The following DLGAP1 variants were observed in gnomAD, a reference collection of about 807,000 sequenced individuals.
The protein encoded by DLGAP1 is disks large-associated protein 1.
DLGAP1 carries 11 observed loss-of-function variants against 90.8 expected under a neutral mutation model. The ratio of observed to expected loss-of-function variants is 0.12; its 90% CI spans 0.08 to 0.20. DLGAP1 has a LOEUF of 0.20. Among genes scored for constraint, DLGAP1 ranks in the 10% least tolerant of loss-of-function variants. DLGAP1 has a pLI of 1.00. For missense variants in DLGAP1, 1,050 were observed against 1,333.8 expected, an observed-to-expected ratio of 0.79 and a Z score of 3.31; for synonymous variants, 558 against 540.7, an observed-to-expected ratio of 1.03 and a Z score of -0.44.
chr18:4,212,538 G>T (rs1167584584), intron 1 of DLGAP1, among the ~76,000 whole-genome samples: 1 of 150,450 alleles, frequency 6.6e-6, no homozygotes, highest in African/African-American at 2.4e-5. Flanking sequence ...CAGGTGTGGT[G>T]GTGCGTGCCT....
intron 7 of DLGAP1, among the ~76,000 whole-genome samples, chr18:3,625,479 G>A (rs1306971149): frequency 1.3e-5 from 2 of 152,156 alleles, no homozygotes; most frequent in Non-Finnish European, 2.9e-5. Flanking sequence ...AAGCAAATTA[G>A]CAAATTATTT....
chr18:3,822,024 G>GAA lies in DLGAP1; in HGVS notation c.958-7753_958-7752dup, dbSNP rs34207365. 6,066 of 654,784 alleles carry GAA rather than the reference G, an allele frequency of 9.3e-3. 37 individuals carry two copies. The highest frequency in any genetic ancestry group is 0.052 in the African/African-American group (2,158 of 41,224). The allele number at this position is 654,784 out of a possible 1,614,324, so 40.6% of individuals were successfully genotyped here. A position where few individuals can be genotyped will look rare whatever the true frequency, so the allele number is the denominator to read the frequency against. The stretch of plus-strand genomic sequence containing the variant: ...GCTTGCTCTTCTCATAGCAAAAACA[G>GAA]AAAAAAAAAAAAAAAAGAGCAAGAA... On this transcript the variant is annotated intron_variant, in intron 4 of 12. Transcript: ENST00000315677.
intron 8 of DLGAP1, among the ~76,000 whole-genome samples, chr18:3,576,954 C>A (rs1367555693): frequency 1.3e-5 from 2 of 151,916 alleles, no homozygotes; most frequent in African/African-American, 4.8e-5. Context: ...CCTCCGTCTC[C>A]CAGGTTCAAG....
At chr18:3,937,575 A>G (rs1195619650) in intron 3 of DLGAP1, among the ~76,000 whole-genome samples, 1 of 152,216 alleles carries the variant, frequency 6.6e-6, no homozygotes, top group Non-Finnish European at 1.5e-5. Context: ...ATATCAAACC[A>G]GCACACTTAC....
intron 4 of DLGAP1, among the ~76,000 whole-genome samples, chr18:3,832,270 A>G (rs2068071141): frequency 6.6e-6 from 1 of 152,234 alleles, no homozygotes; most frequent in Non-Finnish European, 1.5e-5. Context: ...CCTATTACAA[A>G]AACTGTGAAC....
At chr18:3,519,649 G>A (rs117268081) in intron 10 of DLGAP1, among the ~76,000 whole-genome samples, 35 of 152,234 alleles carry the variant, frequency 2.3e-4, no homozygotes, top group Non-Finnish European at 4.0e-4. Context: ...ATGAGAGCTC[G>A]GCTGTCCTGA....
chr18:3,962,714 C>T (rs925133945), intron 3 of DLGAP1, among the ~76,000 whole-genome samples: 1 of 152,152 alleles, frequency 6.6e-6, no homozygotes, highest in African/African-American at 2.4e-5. Context: ...CCTTCCAGGA[C>T]ATTTATTCTT....
intron 3 of DLGAP1, among the ~76,000 whole-genome samples, chr18:3,972,883 T>A (rs1354955485): frequency 6.6e-6 from 1 of 152,198 alleles, no homozygotes. Context: ...TGTTCCCCAA[T>A]CTGTGTTTAG....
intron 6 of DLGAP1, among the ~76,000 whole-genome samples, chr18:3,741,092 C>T (rs1598537580): frequency 7.6e-6 from 1 of 131,730 alleles, no homozygotes; most frequent in Admixed American, 7.4e-5. Flanking sequence ...TCACCATCAC[C>T]ACCACCACCA....
chr18:3,883,252 CAAACAAACAAACAA>C (rs1291562057), intron 3 of DLGAP1, among the ~76,000 whole-genome samples: 2 of 152,148 alleles, frequency 1.3e-5, no homozygotes, highest in Non-Finnish European at 2.9e-5. Context: ...TCAAAACAAA[CAAACAAACAAACAA>C]AAACAAACAA....
At chr18:3,521,108 G>A (rs2051157858) in intron 10 of DLGAP1, among the ~76,000 whole-genome samples, 1 of 152,034 alleles carries the variant, frequency 6.6e-6, no homozygotes, top group African/African-American at 2.4e-5. Flanking sequence ...ACTGTGTACT[G>A]ACCCCAGACG....
intron 1 of DLGAP1, among the ~76,000 whole-genome samples, chr18:4,290,263 G>T (rs1305856851): frequency 1.3e-5 from 2 of 152,168 alleles, no homozygotes; most frequent in Admixed American, 6.5e-5. Flanking sequence ...AATAGAAAAA[G>T]AATACGCATC....
chr18:4,114,098 G>T, intron 2 of DLGAP1, among the ~76,000 whole-genome samples: 1 of 139,172 alleles, frequency 7.2e-6, no homozygotes. Flanking sequence ...AATTGCTTTG[G>T]ATAATTTTTT....
At chr18:3,897,979 A>C (rs959645783) in intron 3 of DLGAP1, among the ~76,000 whole-genome samples, 1 of 151,330 alleles carries the variant, frequency 6.6e-6, no homozygotes, top group East Asian at 2.0e-4. Context: ...TATTTTTAGT[A>C]GAGACGGGGT....
At chr18:4,410,693 T>C (rs929163788) in intron 1 of DLGAP1, among the ~76,000 whole-genome samples, 1 of 151,910 alleles carries the variant, frequency 6.6e-6, no homozygotes, top group Non-Finnish European at 1.5e-5. Context: ...CAAATATATA[T>C]ATATATATAT....
chr18:3,596,921 A>C (rs1383454999), intron 7 of DLGAP1: 1 of 519,910 alleles, frequency 1.9e-6, no homozygotes, highest in Admixed American at 1.9e-5. Context: ...ATCCTAATCT[A>C]CCATTCTCTG....
chr18:3,502,975 G>A (rs1288694955), intron 11 of DLGAP1, among the ~76,000 whole-genome samples: 1 of 151,016 alleles, frequency 6.6e-6, no homozygotes, highest in Non-Finnish European at 1.5e-5. Context: ...ATATTCAAAT[G>A]AAAATGACAT....
At chr18:4,334,199 T>C (rs1016325756) in intron 1 of DLGAP1, among the ~76,000 whole-genome samples, 4 of 151,524 alleles carry the variant, frequency 2.6e-5, no homozygotes, top group Non-Finnish European at 4.4e-5. Context: ...GATCGCGTCA[T>C]TGCACTCCAG....
intron 1 of DLGAP1, among the ~76,000 whole-genome samples, chr18:4,169,393 C>T (rs1391271711): frequency 6.6e-6 from 1 of 151,998 alleles, no homozygotes; most frequent in Admixed American, 6.6e-5. Context: ...CTTGTACTAC[C>T]CTTTATGATC....
Sources: allele counts gnomAD v4.1 joint callset (sites outside exome capture counted in the v4.1 genomes callset), GRCh38; gene constraint gnomAD v4.1.1; transcripts MANE v1.5; gene names NCBI Gene and HGNC (gene_info 2026-07-23, HGNC 2026-07-21).